KIF6: variants seen among roughly 807,000 people sequenced by gnomAD.
KIF6 encodes kinesin family member 6.
Under a neutral mutation model 112.7 loss-of-function variants are expected in KIF6, and 106 were observed. The observed-to-expected ratio is 0.94, with a 90% CI of 0.80 to 1.11. KIF6 has a LOEUF of 1.11. KIF6 is among the 50% of genes least tolerant of loss of function. KIF6 has a pLI of 0.00. For synonymous variants in KIF6, 339 were observed against 339.9 expected, an observed-to-expected ratio of 1.00 and a Z score of 0.03; for missense variants, 929 against 964.0, an observed-to-expected ratio of 0.96 and a Z score of 0.48.
rs1764411379 is a variant in KIF6, at chr6:39,353,441, A to G, written c.2180+3836T>C. On this transcript the variant is annotated intron_variant, in intron 19 of 22. Coordinates refer to ENST00000287152, the MANE Select transcript of KIF6 (RefSeq NM_145027.6). ...GAGTGGTTTATTTTCTTATTGTTGA[A>G]TTTTTAGAGCTCTTTGTATACTTCA... is the stretch of plus-strand genomic sequence containing the variant. Among the ~76,000 whole-genome samples the G allele has an allele frequency of 3.9e-5, 6 of 152,102 alleles. 1 individual carries two copies. Among genetic ancestry groups the G allele is most frequent in the Admixed American group, 3.9e-4 (6 of 15,272 alleles).
At chr6:39,628,366 T>C (rs556042654) in intron 5 of KIF6, among the ~76,000 whole-genome samples, 2 of 152,184 alleles carry the variant, frequency 1.3e-5, no homozygotes, top group South Asian at 4.1e-4. Flanking sequence ...ATTTCCCCAA[T>C]TTTGCTTATG....
At chr6:39,418,607 T>G (rs975179833) in intron 15 of KIF6, among the ~76,000 whole-genome samples, 6 of 152,118 alleles carry the variant, frequency 3.9e-5, no homozygotes, top group Non-Finnish European at 7.3e-5. Context: ...TAAGTTTCAG[T>G]TAGAGGTTAG....
rs575149000 is a variant in KIF6 at position 39,702,785 on chromosome 6, T to A, written c.251+11907A>T. ...TGATATACAGCTGACACTCAGTAAATATTAGCAGAATGAATGTCAAATGAA... is the reference window on the plus strand; with the variant it reads ...TGATATACAGCTGACACTCAGTAAAAATTAGCAGAATGAATGTCAAATGAA... On this transcript the variant is annotated intron_variant, in intron 3 of 22. Transcript: ENST00000287152. 3.3e-5 allele frequency among the ~76,000 whole-genome samples: 5 copies of A among 152,286 alleles called. No individual in the cohort carries two copies. In the South Asian group the frequency reaches 1.0e-3, roughly 32 times the overall value.
At chr6:39,423,780 A>C (rs1479630839) in intron 14 of KIF6, among the ~76,000 whole-genome samples, 1 of 151,970 alleles carries the variant, frequency 6.6e-6, no homozygotes, top group Non-Finnish European at 1.5e-5. Flanking sequence ...TCAATCCTGG[A>C]GTCTCAGCCA....
chr6:39,510,384 G>A (rs948826008), intron 13 of KIF6, among the ~76,000 whole-genome samples: 6 of 152,038 alleles, frequency 3.9e-5, no homozygotes, highest in East Asian at 1.9e-4. Context: ...GAGCCACCAC[G>A]TCCGGCTCAA....
intron 16 of KIF6, among the ~76,000 whole-genome samples, chr6:39,382,191 G>T (rs1767005650): frequency 6.6e-6 from 1 of 152,188 alleles, no homozygotes; most frequent in Non-Finnish European, 1.5e-5. Context: ...TTTAGATTCA[G>T]AGGTACATGT....
chr6:39,401,805 T>C (rs1768724771), intron 15 of KIF6, among the ~76,000 whole-genome samples: 1 of 152,112 alleles, frequency 6.6e-6, no homozygotes, highest in Admixed American at 6.5e-5. Flanking sequence ...TTATTTCTTG[T>C]TTTTCATTAT....
At chr6:39,684,815 A>C (rs778910497) in intron 3 of KIF6, among the ~76,000 whole-genome samples, 3 of 151,952 alleles carry the variant, frequency 2.0e-5, no homozygotes, top group Non-Finnish European at 2.9e-5. Flanking sequence ...AAAGAAAATT[A>C]AGAGTAAACA....
At chr6:39,383,022 TC>T (rs1767102720) in intron 16 of KIF6, among the ~76,000 whole-genome samples, 1 of 146,810 alleles carries the variant, frequency 6.8e-6, no homozygotes, top group African/African-American at 2.6e-5. Flanking sequence ...GTTCTTTTTT[TC>T]TTATTGATTC....
chr6:39,484,844 G>A (rs896569976), intron 13 of KIF6, among the ~76,000 whole-genome samples: 1 of 152,108 alleles, frequency 6.6e-6, no homozygotes, highest in Non-Finnish European at 1.5e-5. Flanking sequence ...CCACTTAGAT[G>A]GGAAGCTTGC....
chr6:39,345,833 T>C (rs762739361), intron 20 of KIF6, 44 bp from the exon 21 acceptor site: 8 of 1,414,400 alleles, frequency 5.7e-6, no homozygotes, highest in Non-Finnish European at 7.8e-6. Flanking sequence ...TGGGGGCAAA[T>C]TTATAGAAGG....
intron 13 of KIF6, among the ~76,000 whole-genome samples, chr6:39,477,944 T>C (rs111281327): frequency 0.013 from 1,915 of 152,306 alleles, 51 homozygotes; most frequent in African/African-American, 0.044. Context: ...GATATACATA[T>C]ATAGAAAGTG....
chr6:39,682,601 A>T (rs1056005712), intron 3 of KIF6, among the ~76,000 whole-genome samples: 3 of 152,144 alleles, frequency 2.0e-5, no homozygotes, highest in Non-Finnish European at 2.9e-5. Context: ...TTTTTTTGAG[A>T]TGGAGTCTTG....
intron 15 of KIF6, among the ~76,000 whole-genome samples, chr6:39,396,530 AC>A (rs879839335): frequency 1.3e-5 from 2 of 152,136 alleles, no homozygotes; most frequent in Non-Finnish European, 2.9e-5. Flanking sequence ...GGAGTGGAAA[AC>A]GGCAGGAGAA....
chr6:39,531,269 T>C (rs1043172312), intron 13 of KIF6, among the ~76,000 whole-genome samples: 1 of 152,198 alleles, frequency 6.6e-6, no homozygotes, highest in Non-Finnish European at 1.5e-5. Context: ...CTTTATTCAT[T>C]CTCCAAACAA....
intron 13 of KIF6, among the ~76,000 whole-genome samples, chr6:39,431,641 T>C (rs565812791): frequency 2.0e-5 from 3 of 152,354 alleles, no homozygotes; most frequent in East Asian, 1.9e-4. Flanking sequence ...TTCATTCTTG[T>C]TTCCTGTGGT....
intron 10 of KIF6, among the ~76,000 whole-genome samples, chr6:39,558,660 GTA>G (rs1469973894): frequency 6.6e-6 from 1 of 152,132 alleles, no homozygotes; most frequent in Non-Finnish European, 1.5e-5. Context: ...GAATAAAACA[GTA>G]TGTTCATGTT....
At chr6:39,447,232 C>T (rs946128952) in intron 13 of KIF6, among the ~76,000 whole-genome samples, 1 of 152,156 alleles carries the variant, frequency 6.6e-6, no homozygotes, top group Non-Finnish European at 1.5e-5. Context: ...ATGAATGTGA[C>T]AGGACAGGGG....
At chr6:39,426,056 C>T (rs1770742256) in intron 14 of KIF6, among the ~76,000 whole-genome samples, 1 of 152,200 alleles carries the variant, frequency 6.6e-6, no homozygotes, top group Non-Finnish European at 1.5e-5. Context: ...CCATTTATTT[C>T]TTCTTTTGTT....
Sources: allele counts gnomAD v4.1 joint callset (sites outside exome capture counted in the v4.1 genomes callset), GRCh38; gene constraint gnomAD v4.1.1; transcripts MANE v1.5; gene names NCBI Gene and HGNC (gene_info 2026-07-23, HGNC 2026-07-21).